The following PRICKLE2 variants were observed in gnomAD, a reference collection of about 807,000 sequenced individuals.
The protein encoded by PRICKLE2 is prickle-like protein 2.
In PRICKLE2, 21 loss-of-function variants were observed where a neutral mutation model predicts 81.4. That is an observed-to-expected ratio of 0.26 (90% confidence interval 0.18 to 0.37). PRICKLE2 has a LOEUF of 0.37. Ranked by LOEUF, PRICKLE2 falls within the 10% of genes least tolerant of loss-of-function variation. The pLI, the probability that PRICKLE2 is intolerant of heterozygous loss-of-function variation, is 1.00. For missense variants in PRICKLE2, 940 were observed against 1,109.0 expected, an observed-to-expected ratio of 0.85 and a Z score of 2.16; for synonymous variants, 456 against 421.5, an observed-to-expected ratio of 1.08 and a Z score of -1.00.
At position 64,095,275 on chromosome 3, in the gene PRICKLE2, T is replaced by C. The variant is rs527554457; in HGVS notation, c.*3776A>G. 8.5e-5 allele frequency: 13 copies of C among 152,260 alleles called. No homozygotes were observed. The highest frequency in any genetic ancestry group is 2.6e-4 in the African/African-American group (11 of 41,556). 9.4% of individuals were successfully genotyped at this position (152,260 alleles called of 1,614,324 possible). On this transcript the variant is annotated 3_prime_UTR_variant, in exon 8 of 8. Coordinates refer to ENST00000638394, the MANE Select transcript of PRICKLE2 (RefSeq NM_198859.4). ...CTGGGATGGGGGAGGGGCAGGTGAA[T>C]TGGAGTCTCCGAATTACTTATACAT...
rs1040702853 is a variant in PRICKLE2 at position 64,174,741 on chromosome 3, A to C, written c.145-11612T>G. ...TCTTGCTGTTAGTGATAAAGAATGA[A>C]TTTTACAATGTGAACTGTGAAGTTG... On this transcript the variant is annotated intron_variant, in intron 2 of 7. Coordinates refer to ENST00000638394, the MANE Select transcript of PRICKLE2 (RefSeq NM_198859.4). The C allele has an allele frequency of 1.4e-5, 3 of 211,062 alleles. No homozygotes were observed. In the South Asian group the frequency reaches 2.7e-4, roughly 19 times the overall value. 13.1% of individuals were successfully genotyped at this position (211,062 alleles called of 1,614,324 possible).
At chr3:64,173,722 A>C (rs1340131463) in intron 2 of PRICKLE2, among the ~76,000 whole-genome samples, 2 of 152,184 alleles carry the variant, frequency 1.3e-5, no homozygotes, top group East Asian at 3.9e-4. Context: ...ATGACAACTG[A>C]TCTGTTGCCC....
At position 64,237,633 on chromosome 3, in the gene PRICKLE2, T is replaced by C. The variant is rs561040898; in HGVS notation, c.129-38666A>G. Among the ~76,000 whole-genome samples the C allele has an allele frequency of 8.3e-4, 126 of 152,216 alleles. 2 individuals carry two copies. The highest frequency in any genetic ancestry group is 1.2e-3 in the East Asian group (6 of 5,156). ...GGAGGTGGGGCAGACCAGGTTAGTT[T>C]TGGAAAAGGCAAAATTTGGGCAGGA... On this transcript the variant is annotated intron_variant, in intron 2 of 8. Transcript: ENST00000295902.
intron 2 of PRICKLE2, among the ~76,000 whole-genome samples, chr3:64,170,652 G>C (rs771833797): frequency 2.7e-5 from 4 of 150,672 alleles, no homozygotes; most frequent in Non-Finnish European, 5.9e-5. Flanking sequence ...TTGAGCCCAG[G>C]AGTTCGAGAC....
chr3:64,186,574 T>C (rs1305108737), intron 2 of PRICKLE2, among the ~76,000 whole-genome samples: 1 of 152,184 alleles, frequency 6.6e-6, no homozygotes, highest in East Asian at 1.9e-4. Context: ...TAAAGCAACA[T>C]ATAAAGACTG....
At chr3:64,178,585 T>C (rs1347172668) in intron 2 of PRICKLE2, among the ~76,000 whole-genome samples, 2 of 152,190 alleles carry the variant, frequency 1.3e-5, no homozygotes, top group Non-Finnish European at 2.9e-5. Context: ...CATTTGTAAA[T>C]AGCCATAATC....
At chr3:64,140,682 C>T (rs1474059155) in intron 7 of PRICKLE2, among the ~76,000 whole-genome samples, 1 of 152,174 alleles carries the variant, frequency 6.6e-6, no homozygotes, top group African/African-American at 2.4e-5. Flanking sequence ...CCACTCTGCC[C>T]TTGGTGTCTC....
At chr3:64,221,916 C>T (rs565338591) in intron 1 of PRICKLE2, among the ~76,000 whole-genome samples, 3 of 152,184 alleles carry the variant, frequency 2.0e-5, no homozygotes, top group African/African-American at 7.2e-5. Context: ...AAGCACTAGA[C>T]GGGTACCACG....
In PRICKLE2 at chr3:64,148,000, A is replaced by G. The variant is rs559756739; in HGVS notation, c.788-298T>C. ...TTCCCCCTGACAAATAGCAATAGTAATATTAACGTATGATCATGTACTGCT... is the reference window on the plus strand; with the variant it reads ...TTCCCCCTGACAAATAGCAATAGTAGTATTAACGTATGATCATGTACTGCT... On this transcript the variant is annotated intron_variant, in intron 6 of 7. Transcript: ENST00000638394. The surrounding 1 kb of genome is among the most constrained non-coding windows in gnomAD (Gnocchi z 5.0). Among the ~76,000 whole-genome samples the G allele has an allele frequency of 6.6e-6, 1 of 152,212 alleles. No homozygotes were observed. The highest frequency in any genetic ancestry group is 1.5e-5 in the Non-Finnish European group (1 of 68,042).
chr3:64,153,068 A>T, intron 6 of PRICKLE2, 114 bp downstream of exon 6: 1 of 1,003,620 alleles, frequency 1.0e-6, no homozygotes, highest in Non-Finnish European at 1.6e-6. Context: ...TTTTTCAGTT[A>T]AGTTAGCATG....
intron 2 of PRICKLE2, among the ~76,000 whole-genome samples, chr3:64,261,599 C>T (rs2079615721): frequency 6.6e-6 from 1 of 152,116 alleles, no homozygotes; most frequent in African/African-American, 2.4e-5. Flanking sequence ...GACAGAAGGA[C>T]ATTTAAGCTA....
chr3:64,157,542 C>G (rs2077657198), intron 4 of PRICKLE2, among the ~76,000 whole-genome samples, 177 bp from the exon 5 acceptor site: 1 of 152,208 alleles, frequency 6.6e-6, no homozygotes, highest in African/African-American at 2.4e-5. Context: ...TCCCTGAACT[C>G]TCCTTTCCTA....
At chr3:64,104,451 C>T (rs1000549125) in intron 7 of PRICKLE2, 6 of 152,188 alleles carry the variant, frequency 3.9e-5, no homozygotes, top group African/African-American at 1.4e-4. Context: ...CTATTAATTC[C>T]CCAGCATGCT....
chr3:64,125,823 G>A (rs1002180056), intron 7 of PRICKLE2, among the ~76,000 whole-genome samples: 1 of 152,180 alleles, frequency 6.6e-6, no homozygotes, highest in African/African-American at 2.4e-5. Context: ...TCTGAGGTAT[G>A]TGTGTATTCC....
intron 1 of PRICKLE2, chr3:64,200,696 A>T (rs1327458707): frequency 6.6e-6 from 1 of 151,676 alleles, no homozygotes; most frequent in Non-Finnish European, 1.5e-5. Flanking sequence ...GCTCACTGCA[A>T]CCTCTGGCCG....
intron 7 of PRICKLE2, 26 bp downstream of exon 7, chr3:64,146,804 C>G: frequency 1.9e-6 from 3 of 1,613,626 alleles, no homozygotes; most frequent in Non-Finnish European, 2.5e-6. Context: ...CCCTTTCTAT[C>G]TGTTTTCAAG....
chr3:64,186,549 T>C (rs2078236590), intron 2 of PRICKLE2, among the ~76,000 whole-genome samples: 1 of 152,222 alleles, frequency 6.6e-6, no homozygotes, highest in Non-Finnish European at 1.5e-5. Flanking sequence ...TACCTTTGTA[T>C]GGCTCCAGGC....
At chr3:64,176,430 C>G (rs2078023844) in intron 2 of PRICKLE2, among the ~76,000 whole-genome samples, 1 of 152,120 alleles carries the variant, frequency 6.6e-6, no homozygotes, top group African/African-American at 2.4e-5. Context: ...GTCCATTACC[C>G]TCCTCTATTA....
At chr3:64,266,689 A>C (rs898355342) in intron 2 of PRICKLE2, among the ~76,000 whole-genome samples, 2 of 152,212 alleles carry the variant, frequency 1.3e-5, no homozygotes, top group Non-Finnish European at 2.9e-5. Flanking sequence ...CTGTCTGTAC[A>C]GACAGGGCCA....
Sources: gnomAD v4.1 joint callset for allele counts (sites outside exome capture counted in the v4.1 genomes callset) on GRCh38, gnomAD v4.1.1 for gene constraint, Gnocchi (gnomAD v3.1) non-coding constraint, MANE v1.5 for transcripts, NCBI Gene and HGNC (gene_info 2026-07-23, HGNC 2026-07-21) for gene names.